CRY1: variants seen among roughly 807,000 people sequenced by gnomAD.
CRY1 encodes the protein cryptochrome circadian regulator 1, also known as cryptochrome-1.
Under a neutral mutation model 76.0 loss-of-function variants are expected in CRY1, and 45 were observed. The ratio of observed to expected loss-of-function variants is 0.59; its 90% CI spans 0.47 to 0.76. CRY1 has a LOEUF of 0.76. Among genes scored for constraint, CRY1 ranks in the 30% least tolerant of loss-of-function variants. The pLI is 0.00. For missense variants in CRY1, 587 were observed against 716.4 expected, an observed-to-expected ratio of 0.82 and a Z score of 2.06; for synonymous variants, 248 against 244.0, an observed-to-expected ratio of 1.02 and a Z score of -0.15.
At chr12:107,008,725 C>T (rs1420387142) in intron 2 of CRY1, among the ~76,000 whole-genome samples, 1 of 152,148 alleles carries the variant, frequency 6.6e-6, no homozygotes, top group Admixed American at 6.5e-5. Context: ...ATTGCAGCTC[C>T]CATAATCCCC....
chr12:107,069,389 T>C (rs985187427), intron 1 of CRY1, among the ~76,000 whole-genome samples: 13 of 151,446 alleles, frequency 8.6e-5, no homozygotes, highest in African/African-American at 3.2e-4. Flanking sequence ...CACGCCCAGC[T>C]AATTTTTTGT....
At position 106,997,374 on chromosome 12, in the gene CRY1, G is replaced by A. The variant is rs749828393; in HGVS notation, c.1505C>T (p.Ser502Leu). The change falls in exon 10 of 13, where the codon TCA becomes TTA. Residue 502 changes from serine (S) to leucine (L), a missense_variant. By Grantham distance (145) the Ser-to-Leu change is moderately radical (BLOSUM62 -2). Coordinates refer to ENST00000008527, the MANE Select transcript of CRY1 (RefSeq NM_004075.5). Reference protein sequence around the residue: ...SRYRGLGLLASVPSNPNGNGG... With the variant: ...SRYRGLGLLALVPSNPNGNGG... ...ATTCCCATTAGGATTAGAAGGTACT[G>A]ATGCCAGAAGACCTAAAGGACAAAA... is the stretch of plus-strand genomic sequence containing the variant. The A allele has an allele frequency of 1.2e-6, 2 of 1,613,802 alleles. No individual in the cohort carries two copies. The highest frequency in any genetic ancestry group is 1.7e-6 in the Non-Finnish European group (2 of 1,179,866).
chr12:107,077,202 T>C (rs1430039645), intron 1 of CRY1, among the ~76,000 whole-genome samples: 1 of 152,016 alleles, frequency 6.6e-6, no homozygotes. Context: ...ACTCATCACC[T>C]TTACCCCTTT....
chr12:107,070,072 G>T (rs951044821), intron 1 of CRY1, among the ~76,000 whole-genome samples: 4 of 152,100 alleles, frequency 2.6e-5, no homozygotes, highest in Non-Finnish European at 4.4e-5. Context: ...TAGCAATCTG[G>T]CATTTCTTAG....
At chr12:107,046,125 TAAA>T (rs35548593) in intron 1 of CRY1, among the ~76,000 whole-genome samples, 13 of 137,130 alleles carry the variant, frequency 9.5e-5, no homozygotes, top group Admixed American at 3.0e-4. Flanking sequence ...GACTCTGTCT[TAAA>T]AAAAAAAAAA....
In CRY1 at chr12:107,093,079, G is replaced by A; in HGVS notation, c.-118C>T. On this transcript the variant is annotated 5_prime_UTR_variant, in exon 1 of 13. Coordinates refer to ENST00000008527, the MANE Select transcript of CRY1 (RefSeq NM_004075.5). ...CCCGGGGCGTGAGGAAAGGGCGGCAGAGGGGGAACAGGAAAAAATGACTCC... is the reference window on the plus strand; with the variant it reads ...CCCGGGGCGTGAGGAAAGGGCGGCAAAGGGGGAACAGGAAAAAATGACTCC... 3 of 1,246,622 alleles carry A rather than the reference G, an allele frequency of 2.4e-6. No homozygotes were observed. The South Asian group carries it at 5.0e-5, about 21-fold the overall frequency. The allele number at this position is 1,246,622 out of a possible 1,614,324, so 77.2% of individuals were successfully genotyped here. A position where few individuals can be genotyped will look rare whatever the true frequency, so the allele number is the denominator to read the frequency against.
intron 1 of CRY1, among the ~76,000 whole-genome samples, chr12:107,086,121 TAAG>T (rs1953397992): frequency 1.3e-5 from 2 of 152,110 alleles, no homozygotes; most frequent in Admixed American, 1.3e-4. Context: ...AGGCTGAACT[TAAG>T]AGTAATGACT....
At chr12:107,035,520 T>C (rs900730435) in intron 1 of CRY1, among the ~76,000 whole-genome samples, 3 of 152,364 alleles carry the variant, frequency 2.0e-5, no homozygotes, top group South Asian at 2.1e-4. Flanking sequence ...TAAATGTTTA[T>C]ACTCAATAAC....
At chr12:107,017,689 C>T (rs2136840227) in intron 2 of CRY1, among the ~76,000 whole-genome samples, 1 of 152,320 alleles carries the variant, frequency 6.6e-6, no homozygotes, top group South Asian at 2.1e-4. Context: ...TTCTTTGACA[C>T]TTGGTTAAAA....
intron 7 of CRY1, among the ~76,000 whole-genome samples, chr12:106,998,981 G>T: frequency 6.7e-6 from 1 of 150,070 alleles, no homozygotes; most frequent in African/African-American, 2.5e-5. Flanking sequence ...GGCGTAGGTT[G>T]CAGTGAGCTG....
At position 106,997,371 on chromosome 12, in the gene CRY1, A is replaced by G. The variant is rs375208356; in HGVS notation, c.1508T>C (p.Val503Ala). 1.2e-4 allele frequency: 187 copies of G among 1,613,870 alleles called. No individual in the cohort carries two copies. Among genetic ancestry groups the G allele is most frequent in the Non-Finnish European group, 1.6e-4 (187 of 1,179,922 alleles). ...RYRGLGLLAS[V>A]PSNPNGNGGF... is the part of the protein sequence containing the mutation. The stretch of plus-strand genomic sequence containing the variant: ...TCCATTCCCATTAGGATTAGAAGGT[A>G]CTGATGCCAGAAGACCTAAAGGACA... Residue 503 changes from valine to alanine, a missense_variant, in exon 10 of 13, where the codon GTA (valine) becomes GCA (alanine). Physicochemically the swap from Val to Ala is moderately conservative, Grantham distance 64. Coordinates refer to ENST00000008527, the MANE Select transcript of CRY1 (RefSeq NM_004075.5).
chr12:107,076,706 T>C lies in CRY1; in HGVS notation c.158+16098A>G, dbSNP rs550249710. 1.8e-4 allele frequency among the ~76,000 whole-genome samples: 27 copies of C among 152,216 alleles called. No homozygotes were observed. The South Asian group carries it at 5.4e-3, about 30-fold the overall frequency. ...CTGATCTAATTTGGATATGTGTCCC[T>C]GCCCAAATGTCATATTGAAATGTAA... On this transcript the variant is annotated intron_variant, in intron 1 of 12. Transcript: ENST00000008527.
At chr12:106,998,157 A>G in intron 7 of CRY1, 91 bp from the exon 8 acceptor site, 1 of 1,412,416 alleles carries the variant, frequency 7.1e-7, no homozygotes, top group East Asian at 2.3e-5. Context: ...AGTCAAGGCA[A>G]AGAAAATCTA....
At chr12:107,035,703 A>T (rs187366666) in intron 1 of CRY1, among the ~76,000 whole-genome samples, 59 of 152,334 alleles carry the variant, frequency 3.9e-4, no homozygotes, top group Middle Eastern at 3.4e-3. Flanking sequence ...CAGTGCTGAT[A>T]ATTTTTATGG....
chr12:107,031,571 C>CA (rs1952674978), intron 1 of CRY1, among the ~76,000 whole-genome samples: 1 of 152,166 alleles, frequency 6.6e-6, no homozygotes, highest in African/African-American at 2.4e-5. Flanking sequence ...ACCACACAAT[C>CA]AGAGTCAACA....
At position 107,055,676 on chromosome 12, in the gene CRY1, G is replaced by A. The variant is rs998008449; in HGVS notation, c.159-33484C>T. Among the ~76,000 whole-genome samples, 37 of 152,060 alleles carry A rather than the reference G, an allele frequency of 2.4e-4. 1 individual carries two copies. The highest frequency in any genetic ancestry group is 7.4e-5 in the Non-Finnish European group (5 of 68,002). ...AAAACTAACCAACCTCTGATGAAAT[G>A]TATCAGGACAAAAGGTAGGAGACAC... is the stretch of plus-strand genomic sequence containing the variant. On this transcript the variant is annotated intron_variant, in intron 1 of 12. Coordinates refer to ENST00000008527, the MANE Select transcript of CRY1 (RefSeq NM_004075.5).
chr12:107,064,601 C>T (rs1039340048), intron 1 of CRY1, among the ~76,000 whole-genome samples: 1 of 151,806 alleles, frequency 6.6e-6, no homozygotes, highest in African/African-American at 2.4e-5. Context: ...GACCACAAAG[C>T]TAACAAAACT....
chr12:107,064,691 G>T (rs538080203), intron 1 of CRY1, among the ~76,000 whole-genome samples: 7 of 152,296 alleles, frequency 4.6e-5, no homozygotes, highest in African/African-American at 1.4e-4. Context: ...TGACATGTAG[G>T]TGTTTCTAGG....
At chr12:107,001,222 AT>A (rs1316064377) in intron 5 of CRY1, 57 bp downstream of exon 5, 8 of 1,288,348 alleles carry the variant, frequency 6.2e-6, no homozygotes, top group Non-Finnish European at 8.8e-6. Context: ...GAGAAAAATT[AT>A]TTTTTAAATG....
Sources: gnomAD v4.1 joint callset for allele counts (sites outside exome capture counted in the v4.1 genomes callset) on GRCh38, gnomAD v4.1.1 for gene constraint, MANE v1.5 for transcripts, NCBI Gene and HGNC (gene_info 2026-07-23, HGNC 2026-07-21) for gene names.